The following ADGRL2 variants were observed in gnomAD, a reference collection of about 807,000 sequenced individuals.
The protein encoded by ADGRL2 is adhesion G protein-coupled receptor L2.
ADGRL2 carries 44 observed loss-of-function variants against 157.4 expected under a neutral mutation model. That is an observed-to-expected ratio of 0.28 (90% CI 0.22 to 0.36). ADGRL2 has a LOEUF of 0.36. ADGRL2 is among the 10% of genes least tolerant of loss of function. The pLI is 1.00. For missense variants in ADGRL2, 1,510 were observed against 1,768.9 expected (o/e 0.85, Z 2.63); for synonymous variants, 585 against 624.7 (o/e 0.94, Z 0.95).
At chr1:81,977,356 T>G (rs896477860) in intron 17 of ADGRL2, among the ~76,000 whole-genome samples, 2 of 151,786 alleles carry the variant, frequency 1.3e-5, no homozygotes, top group Non-Finnish European at 3.0e-5. Flanking sequence ...CATTGAACAG[T>G]CTGTTTTTAA....
At chr1:81,875,844 A>C (rs1292384939) in intron 2 of ADGRL2, among the ~76,000 whole-genome samples, 1 of 152,078 alleles carries the variant, frequency 6.6e-6, no homozygotes, top group African/African-American at 2.4e-5. Context: ...AGAGAGGTAC[A>C]TTTTCTTCCA....
In ADGRL2 at chr1:81,466,388, G is replaced by A. The variant is rs116147400; in HGVS notation, c.-248+21299G>A. Among the ~76,000 whole-genome samples, 379 of 152,266 alleles carry A rather than the reference G, an allele frequency of 2.5e-3. 2 individuals are homozygous for A. The highest frequency in any genetic ancestry group is 8.8e-3 in the African/African-American group (364 of 41,556). ...AGTTTTACAGGATTTTGACTAGGCC[G>A]TGGCATTACAGCAGGGACAGTGCAA... On this transcript the variant is annotated intron_variant, in intron 2 of 24. Transcript: ENST00000370721.
intron 1 of ADGRL2, among the ~76,000 whole-genome samples, chr1:81,370,556 G>A (rs1414072167): frequency 6.6e-6 from 1 of 152,084 alleles, no homozygotes; most frequent in Admixed American, 6.6e-5. Context: ...TACTTTTATA[G>A]TTAAATATAG....
intron 2 of ADGRL2, among the ~76,000 whole-genome samples, chr1:81,865,888 A>G (rs1479615233): frequency 4.6e-5 from 7 of 152,236 alleles, no homozygotes; most frequent in Non-Finnish European, 7.3e-5. Context: ...GTTTTGAAGA[A>G]GAAGGAATTG....
rs147862549 is a variant in ADGRL2 at position 81,331,408 on chromosome 1, C to T, written c.-302+24899C>T. On this transcript the variant is annotated intron_variant, in intron 1 of 24. Transcript: ENST00000370721. ...TTTACTTTGTATTTTGGGACCATGGCATCCAGGCAGTAGAAATATAGACAA... is the reference window on the plus strand; with the variant it reads ...TTTACTTTGTATTTTGGGACCATGGTATCCAGGCAGTAGAAATATAGACAA... Among the ~76,000 whole-genome samples, 71 of 152,192 alleles carry T rather than the reference C, an allele frequency of 4.7e-4. 1 individual carries two copies. Among genetic ancestry groups the T allele is most frequent in the Non-Finnish European group, 9.0e-4 (61 of 67,972 alleles).
intron 3 of ADGRL2, among the ~76,000 whole-genome samples, chr1:81,642,254 A>C (rs1341752490): frequency 1.4e-5 from 2 of 147,498 alleles, no homozygotes; most frequent in Non-Finnish European, 3.0e-5. Flanking sequence ...TCTCCAAAAA[A>C]AAAAAAAAAA....
chr1:81,338,700 A>T (rs898421123), intron 1 of ADGRL2, among the ~76,000 whole-genome samples: 3 of 152,200 alleles, frequency 2.0e-5, no homozygotes, highest in Admixed American at 1.3e-4. Flanking sequence ...GTGATTCTTT[A>T]TCCCTGGAAA....
intron 3 of ADGRL2, among the ~76,000 whole-genome samples, chr1:81,680,992 T>A (rs2083101181): frequency 6.6e-6 from 1 of 152,188 alleles, no homozygotes; most frequent in African/African-American, 2.4e-5. Flanking sequence ...TAAACTATAA[T>A]ACATCTTCCC....
At chr1:81,691,632 G>T (rs1285102515) in intron 3 of ADGRL2, among the ~76,000 whole-genome samples, 1 of 151,770 alleles carries the variant, frequency 6.6e-6, no homozygotes, top group Admixed American at 6.6e-5. Flanking sequence ...TCGAGTAGCT[G>T]GGATTACAGG....
At chr1:81,942,824 G>A in intron 5 of ADGRL2, 145 bp from the exon 6 acceptor site, 4 of 707,544 alleles carry the variant, frequency 5.7e-6, no homozygotes, top group Non-Finnish European at 1.0e-5. Context: ...GAAAAGAAGG[G>A]TAGTATTTGT....
chr1:81,418,067 A>G (rs1054755393), intron 1 of ADGRL2, among the ~76,000 whole-genome samples: 2 of 152,222 alleles, frequency 1.3e-5, no homozygotes, highest in African/African-American at 4.8e-5. Flanking sequence ...TGAATAACCC[A>G]GCTCTCTAAA....
intron 2 of ADGRL2, among the ~76,000 whole-genome samples, chr1:81,448,664 C>T (rs1196426955): frequency 6.6e-6 from 1 of 151,786 alleles, no homozygotes; most frequent in African/African-American, 2.4e-5. Context: ...GCCTGGGCAA[C>T]ATGGAAAAAC....
intron 1 of ADGRL2, among the ~76,000 whole-genome samples, chr1:81,345,798 A>G (rs1258928605): frequency 6.6e-6 from 1 of 152,314 alleles, no homozygotes; most frequent in East Asian, 1.9e-4. Flanking sequence ...AATATTTTTC[A>G]TTCATATTTT....
intron 1 of ADGRL2, chr1:81,721,748 C>G: frequency 7.0e-7 from 1 of 1,425,828 alleles, no homozygotes; most frequent in South Asian, 1.1e-5. Flanking sequence ...TAAGCAGGAT[C>G]CGAGCATTCT....
intron 2 of ADGRL2, among the ~76,000 whole-genome samples, chr1:81,527,298 C>T (rs1184928710): frequency 6.6e-6 from 1 of 152,128 alleles, no homozygotes; most frequent in Non-Finnish European, 1.5e-5. Context: ...GAGTTTAACC[C>T]CCCAAAATTC....
chr1:81,722,861 T>G, intron 1 of ADGRL2: 1 of 709,284 alleles, frequency 1.4e-6, no homozygotes, highest in Non-Finnish European at 2.6e-6. Context: ...GCCTGGTAAT[T>G]TTCCCAGAGG....
chr1:81,941,103 A>G (rs1228170568), intron 4 of ADGRL2, among the ~76,000 whole-genome samples: 1 of 151,480 alleles, frequency 6.6e-6, no homozygotes, highest in Non-Finnish European at 1.5e-5. Context: ...GAATTGTCAT[A>G]ATAATCTAAC....
At chr1:81,862,620 T>C (rs1030989227) in intron 2 of ADGRL2, among the ~76,000 whole-genome samples, 2 of 152,230 alleles carry the variant, frequency 1.3e-5, no homozygotes, top group African/African-American at 4.8e-5. Flanking sequence ...CAGATGACTA[T>C]GTTAATAGAA....
intron 2 of ADGRL2, among the ~76,000 whole-genome samples, chr1:81,848,830 T>C (rs1469649707): frequency 6.6e-6 from 1 of 151,966 alleles, no homozygotes; most frequent in African/African-American, 2.4e-5. Flanking sequence ...ACCGAAAACC[T>C]GTAACAATTA....
Sources: gnomAD v4.1 joint callset for allele counts (sites outside exome capture counted in the v4.1 genomes callset) on GRCh38, gnomAD v4.1.1 for gene constraint, MANE v1.5 for transcripts, NCBI Gene and HGNC (gene_info 2026-07-23, HGNC 2026-07-21) for gene names.